Variants in PLEKHG3 observed in about 807,000 individuals in gnomAD.
PLEKHG3 encodes the protein pleckstrin homology domain-containing family G member 3.
A neutral mutation model predicts 94.9 loss-of-function variants in PLEKHG3; 62 were observed. That is an observed-to-expected ratio of 0.65 (90% CI 0.53 to 0.81). The LOEUF (loss-of-function observed/expected upper bound fraction) is 0.81, where lower values mean the gene tolerates loss of function less well. Ranked by LOEUF, PLEKHG3 falls within the 30% of genes least tolerant of loss-of-function variation. The pLI, the probability that PLEKHG3 is intolerant of heterozygous loss-of-function variation, is 0.00. For synonymous variants in PLEKHG3, 614 were observed against 654.0 expected (o/e 0.94, Z 0.93); for missense variants, 1,461 against 1,619.3 (o/e 0.90, Z 1.68).
At position 64,730,578 on chromosome 14, in the gene PLEKHG3, C is replaced by T. The variant is rs2081438412; in HGVS notation, c.520-64C>T. The T allele has an allele frequency of 4.3e-6, 6 of 1,393,330 alleles. No homozygotes were observed. The highest frequency in any genetic ancestry group is 6.1e-6 in the Non-Finnish European group (6 of 981,184). 86.3% of individuals were successfully genotyped at this position (1,393,330 alleles called of 1,614,324 possible). On this transcript the variant is annotated intron_variant, in intron 4 of 16. Coordinates refer to ENST00000247226, the MANE Select transcript of PLEKHG3 (RefSeq NM_001308147.2). This position sits in a 1 kb window ranked among gnomAD's most constrained non-coding sequence, Gnocchi z 5.4. ...GCTCTGGGGGCCAGGGGCCTATCTG[C>T]TACCACCATCTTTACTGTCAAATGA...
rs889923657 is a variant in PLEKHG3 at position 64,730,600 on chromosome 14, A to G, written c.520-42A>G. 1.3e-6 allele frequency: 2 copies of G among 1,543,432 alleles called. No individual in the cohort carries two copies. Among genetic ancestry groups the G allele is most frequent in the Non-Finnish European group, 1.8e-6 (2 of 1,115,970 alleles). On this transcript the variant is annotated intron_variant, in intron 4 of 16. Coordinates refer to ENST00000247226, the MANE Select transcript of PLEKHG3 (RefSeq NM_001308147.2). This position sits in a 1 kb window ranked among gnomAD's most constrained non-coding sequence, Gnocchi z 5.4. ...CTGCTACCACCATCTTTACTGTCAA[A>G]TGAGAATCTCCCTGAAATCACTATT...
Position 64,742,468 on chromosome 14 carries a change from C to A in PLEKHG3, c.2938+13C>A, listed in dbSNP as rs751060643. 21 of 1,571,410 alleles carry A rather than the reference C, an allele frequency of 1.3e-5. No individual in the cohort carries two copies. The highest frequency in any genetic ancestry group is 1.8e-5 in the Non-Finnish European group (21 of 1,154,126). Reference sequence around the variant, plus strand: ...TTAGGTGGCAAAGGTATGACAGAAGCGGCAAGTGGGCCCTTCCCCAAGTCT... The same window carrying A: ...TTAGGTGGCAAAGGTATGACAGAAGAGGCAAGTGGGCCCTTCCCCAAGTCT... On this transcript the variant is annotated intron_variant, in intron 16 of 16. Coordinates refer to ENST00000247226, the MANE Select transcript of PLEKHG3 (RefSeq NM_001308147.2).
intron 1 of PLEKHG3, among the ~76,000 whole-genome samples, chr14:64,713,390 G>A (rs2081089967): frequency 6.6e-6 from 1 of 152,170 alleles, no homozygotes; most frequent in Non-Finnish European, 1.5e-5. Context: ...TTCTTTAAAT[G>A]TTTGGTAGAC....
Position 64,742,367 on chromosome 14 carries a change from G to T in PLEKHG3, c.2850G>T (p.Gln950His), listed in dbSNP as rs1188674331. The T allele has an allele frequency of 3.1e-6, 5 of 1,612,900 alleles. No homozygotes were observed. The African/African-American group carries it at 6.7e-5, about 22-fold the overall frequency. The change falls in exon 16 of 17, where the codon CAG becomes CAT. Residue 950 changes from glutamine to histidine, a missense_variant. Coordinates refer to ENST00000247226, the MANE Select transcript of PLEKHG3 (RefSeq NM_001308147.2). ...CAGTGATGGCCAGGCCACCACTGCA[G>T]TGGGAAAAGGTGGCCCCTGAGAGGG... is the stretch of plus-strand genomic sequence containing the variant. The part of the protein sequence containing the change: ...NKPVMARPPL[Q>H]WEKVAPERDG...
chr14:64,742,092 G>C lies in PLEKHG3; in HGVS notation c.2575G>C (p.Glu859Gln). 1 of 1,610,314 alleles carries C rather than the reference G, an allele frequency of 6.2e-7. No homozygotes were observed. The change falls in exon 16 of 17, where the codon GAG becomes CAG. Residue 859 changes from glutamate (E) to glutamine (Q), a missense_variant. This residue lies in a region of PLEKHG3 where 1,201 missense variants were observed against 1,295.5 expected (regional missense o/e 0.93). Coordinates refer to ENST00000247226, the MANE Select transcript of PLEKHG3 (RefSeq NM_001308147.2). The stretch of plus-strand genomic sequence containing the variant: ...GGAGCATGAGCTGGGAGCCATCACA[G>C]AGGAGTCGGCCACTGCCTCCCCGGA... ...LEEHELGAIT[E>Q]ESATASPESS...
chr14:64,705,609 C>T (rs1162549012), intron 1 of PLEKHG3, among the ~76,000 whole-genome samples: 2 of 152,186 alleles, frequency 1.3e-5, no homozygotes, highest in Non-Finnish European at 2.9e-5. Context: ...GTGGGGGTTC[C>T]CAGAGTCTCC....
rs2081867579 is a variant in PLEKHG3 at position 64,747,623 on chromosome 14, C to G, written c.*3920C>G. The G allele has an allele frequency of 6.6e-6, 1 of 152,376 alleles. No homozygotes were observed. The highest frequency in any genetic ancestry group is 1.5e-5 in the Non-Finnish European group (1 of 68,116). The allele number at this position is 152,376 out of a possible 1,614,324, so 9.4% of individuals were successfully genotyped here. ...TGATTTCTGCCGGCACTGGTCAGCA[C>G]TCAGGGTTCCTCAGGGGGCCTCATT... On this transcript the variant is annotated 3_prime_UTR_variant, in exon 17 of 17. Coordinates refer to ENST00000247226, the MANE Select transcript of PLEKHG3 (RefSeq NM_001308147.2).
rs762818156 is a variant in PLEKHG3, at chr14:64,750,082, G to T, written c.*6379G>T. 1 of 1,614,128 alleles carries T rather than the reference G, an allele frequency of 6.2e-7. No individual in the cohort carries two copies. Among genetic ancestry groups the T allele is most frequent in the East Asian group, 2.2e-5 (1 of 44,872 alleles). ...CCTCCCCATGGTAGGGCATCCCCAG[G>T]GCCAGGTTCTTGGCATCCTTGTAGA... On this transcript the variant is annotated 3_prime_UTR_variant, in exon 17 of 17. Transcript: ENST00000247226.
At position 64,738,476 on chromosome 14, in the gene PLEKHG3, G is replaced by A. The variant is rs938209071; in HGVS notation, c.1405-266G>A. 4.0e-4 allele frequency among the ~76,000 whole-genome samples: 61 copies of A among 152,354 alleles called. No homozygotes were observed. The highest frequency in any genetic ancestry group is 1.4e-3 in the African/African-American group (58 of 41,582). ...GGTGGGGTGGTGGGGGCAGGGAGAA[G>A]CTAGCACACAGTGGGGCTGGAAAGG... On this transcript the variant is annotated intron_variant, in intron 14 of 16. Transcript: ENST00000247226. The surrounding 1 kb of genome is among the most constrained non-coding windows in gnomAD (Gnocchi z 4.8).
At position 64,739,841 on chromosome 14, in the gene PLEKHG3, GC is replaced by G. The variant is rs910327107; in HGVS notation, c.1518+993del. ...GCCCTTGTGACCTAATTTCCCAAAGGCCCCCCCTCTCATTCCCATCACACTG... is the reference window on the plus strand; with the variant it reads ...GCCCTTGTGACCTAATTTCCCAAAGGCCCCCCTCTCATTCCCATCACACTG... On this transcript the variant is annotated intron_variant, in intron 15 of 16. Transcript: ENST00000247226. This position sits in a 1 kb window ranked among gnomAD's most constrained non-coding sequence, Gnocchi z 4.1. 7.2e-5 allele frequency among the ~76,000 whole-genome samples: 11 copies of G among 152,132 alleles called. No individual in the cohort carries two copies. Among genetic ancestry groups the G allele is most frequent in the African/African-American group, 2.7e-4 (11 of 41,486 alleles).
rs1468529946 is a variant in PLEKHG3, at chr14:64,749,439, G to C, written c.*5736G>C. 1 of 1,603,560 alleles carries C rather than the reference G, an allele frequency of 6.2e-7. No homozygotes were observed. Among genetic ancestry groups the C allele is most frequent in the South Asian group, 1.1e-5 (1 of 91,004 alleles). ...GATGCTCTGGGACTCGTTGATGGCG[G>C]TGCTCACGCCCTGCAGCCAGGACAG... On this transcript the variant is annotated 3_prime_UTR_variant, in exon 17 of 17. Transcript: ENST00000247226. The surrounding 1 kb of genome is among the most constrained non-coding windows in gnomAD (Gnocchi z 4.7).
intron 15 of PLEKHG3, among the ~76,000 whole-genome samples, chr14:64,740,561 CCT>C (rs1471030426): frequency 1.3e-5 from 2 of 152,188 alleles, no homozygotes; most frequent in Non-Finnish European, 2.9e-5. Flanking sequence ...AATGAAATGG[CCT>C]CTCATGTTGT....
rs769222271 is a variant in PLEKHG3, at chr14:64,736,861, A to G, written c.1354A>G (p.Lys452Glu). Residue 452 changes from lysine (K) to glutamate (E), a missense_variant, in exon 13 of 17, where the codon AAA (lysine) becomes GAA (glutamate). By Grantham distance (56) the Lys-to-Glu change is moderately conservative. This residue lies in a region of PLEKHG3 where 1,201 missense variants were observed against 1,295.5 expected (regional missense o/e 0.93). Transcript: ENST00000247226. ...RQGRRQSEPT[K>E]HLLRQLNEKA... ...CATGCTTTCCTCCTCAGAGCCAACC[A>G]AACACCTGCTCAGGCAACTCAACGA... is the stretch of plus-strand genomic sequence containing the variant. 1.9e-6 allele frequency: 3 copies of G among 1,613,300 alleles called. No homozygotes were observed. Among genetic ancestry groups the G allele is most frequent in the South Asian group, 1.1e-5 (1 of 91,070 alleles).
chr14:64,714,047 A>G (rs2081100335), intron 1 of PLEKHG3, among the ~76,000 whole-genome samples: 1 of 152,234 alleles, frequency 6.6e-6, no homozygotes, highest in Non-Finnish European at 1.5e-5. Context: ...CATTTAAACT[A>G]TTCATCTTTA....
In PLEKHG3 at chr14:64,738,262, C is replaced by T; in HGVS notation, c.1405-480C>T. On this transcript the variant is annotated intron_variant, in intron 14 of 16. Transcript: ENST00000247226. The surrounding 1 kb of genome is among the most constrained non-coding windows in gnomAD (Gnocchi z 4.8). ...TTCGATCTCCCCTCCTCCTTGCATG[C>T]TCCCTGGGATGTGCATGCCCACCCG... is the stretch of plus-strand genomic sequence containing the variant. The T allele has an allele frequency of 8.0e-7, 1 of 1,246,650 alleles. No individual in the cohort carries two copies. The highest frequency in any genetic ancestry group is 1.0e-6 in the Non-Finnish European group (1 of 952,902). 77.2% of individuals were successfully genotyped at this position (1,246,650 alleles called of 1,614,324 possible).
chr14:64,743,931 C>G lies in PLEKHG3; in HGVS notation c.*228C>G. On this transcript the variant is annotated 3_prime_UTR_variant, in exon 17 of 17. Coordinates refer to ENST00000247226, the MANE Select transcript of PLEKHG3 (RefSeq NM_001308147.2). This position sits in a 1 kb window ranked among gnomAD's most constrained non-coding sequence, Gnocchi z 7.2. ...CCACTCACCTGTGAGGCCGGTGTGG[C>G]TGCTTCCCTTGTAAATAGTTGTTCT... 2 of 455,984 alleles carry G rather than the reference C, an allele frequency of 4.4e-6. No homozygotes were observed. The highest frequency in any genetic ancestry group is 5.6e-4 in the Middle Eastern group (1 of 1,796). 28.2% of individuals were successfully genotyped at this position (455,984 alleles called of 1,614,324 possible). A position where few individuals can be genotyped will look rare whatever the true frequency, so the allele number is the denominator to read the frequency against.
chr14:64,749,751 C>T lies in PLEKHG3; in HGVS notation c.*6048C>T. On this transcript the variant is annotated 3_prime_UTR_variant, in exon 17 of 17. Coordinates refer to ENST00000247226, the MANE Select transcript of PLEKHG3 (RefSeq NM_001308147.2). This position sits in a 1 kb window ranked among gnomAD's most constrained non-coding sequence, Gnocchi z 4.7. The stretch of plus-strand genomic sequence containing the variant: ...AGACACCTCTGGAGGGGGCGCTGGG[C>T]AGAGGGCTGGCTCTGATCCCACAAT... 6.3e-7 allele frequency: 1 copy of T among 1,597,638 alleles called. No individual in the cohort carries two copies. Among genetic ancestry groups the T allele is most frequent in the Non-Finnish European group, 8.5e-7 (1 of 1,170,930 alleles).
intron 1 of PLEKHG3, among the ~76,000 whole-genome samples, chr14:64,712,802 A>G (rs902101524): frequency 1.3e-5 from 2 of 152,130 alleles, no homozygotes; most frequent in African/African-American, 4.8e-5. Flanking sequence ...GATCTCTTCT[A>G]TTTCTTTTTC....
chr14:64,716,170 C>T lies in PLEKHG3; in HGVS notation c.-39-11423C>T. 1 of 391,682 alleles carries T rather than the reference C, an allele frequency of 2.6e-6. No individual in the cohort carries two copies. The highest frequency in any genetic ancestry group is 5.1e-6 in the Non-Finnish European group (1 of 194,756). 24.3% of individuals were successfully genotyped at this position (391,682 alleles called of 1,614,324 possible). On this transcript the variant is annotated intron_variant, in intron 1 of 16. Transcript: ENST00000247226. The surrounding 1 kb of genome is among the most constrained non-coding windows in gnomAD (Gnocchi z 5.0). ...ACTCTTTCAACTCCGGGCCTCTAAG[C>T]CTTGCCGGACTTCCCCCAGGAAACC... is the stretch of plus-strand genomic sequence containing the variant.
Sources: allele counts gnomAD v4.1 joint callset (sites outside exome capture counted in the v4.1 genomes callset), GRCh38; gene constraint gnomAD v4.1.1; regional missense constraint gnomAD v4.1.1; non-coding constraint Gnocchi (gnomAD v3.1); transcripts MANE v1.5; gene names NCBI Gene and HGNC (gene_info 2026-07-23, HGNC 2026-07-21).